The following RSRC2 variants were observed in gnomAD, a reference collection of about 807,000 sequenced individuals.
RSRC2 encodes arginine/serine-rich coiled-coil protein 2.
RSRC2 carries 5 observed loss-of-function variants against 61.3 expected under a neutral mutation model. The ratio of observed to expected loss-of-function variants is 0.08; its 90% CI spans 0.04 to 0.17. The LOEUF (loss-of-function observed/expected upper bound fraction) is 0.17, where lower values mean the gene tolerates loss of function less well. Ranked by LOEUF, RSRC2 falls within the 10% of genes least tolerant of loss-of-function variation. The pLI, the probability that RSRC2 is intolerant of heterozygous loss-of-function variation, is 1.00. For missense variants in RSRC2, 381 were observed against 518.8 expected (o/e 0.73, Z 2.58); for synonymous variants, 202 against 166.5 (o/e 1.21, Z -1.64).
chr12:122,510,808 A>T (rs558744932), intron 7 of RSRC2, among the ~76,000 whole-genome samples: 1 of 152,302 alleles, frequency 6.6e-6, no homozygotes, highest in Admixed American at 6.5e-5. Context: ...GCACTTTGGG[A>T]GGCTGGGGCA....
At chr12:122,508,864 G>T (rs980990137) in intron 7 of RSRC2, among the ~76,000 whole-genome samples, 1 of 151,966 alleles carries the variant, frequency 6.6e-6, no homozygotes, top group African/African-American at 2.4e-5. Flanking sequence ...GCTGACGCAG[G>T]AGAATCACTT....
chr12:122,521,528 T>G, intron 2 of RSRC2, 100 bp from the exon 3 acceptor site: 1 of 962,640 alleles, frequency 1.0e-6, no homozygotes, highest in Non-Finnish European at 1.7e-6. Flanking sequence ...CCCATTAGTC[T>G]TCTTCCAATG....
At position 122,526,916 on chromosome 12, in the gene RSRC2, T is replaced by A. The variant is rs896941801; in HGVS notation, c.-63A>T. The stretch of plus-strand genomic sequence containing the variant: ...TGTCGCTTTCAACAGTACCGGCCGC[T>A]CCGAAGCTTCGCCTCAGACTAAATC... On this transcript the variant is annotated 5_prime_UTR_variant, in exon 1 of 10. Transcript: ENST00000331738. 3 of 1,599,624 alleles carry A rather than the reference T, an allele frequency of 1.9e-6. No individual in the cohort carries two copies. Among genetic ancestry groups the A allele is most frequent in the Admixed American group, 1.7e-5 (1 of 59,900 alleles).
chr12:122,515,319 C>T (rs994982579), intron 5 of RSRC2, 92 bp from the exon 6 acceptor site: 27 of 1,268,112 alleles, frequency 2.1e-5, no homozygotes, highest in Non-Finnish European at 2.5e-5. Context: ...AAAATCCCAA[C>T]GATACAAAAA....
chr12:122,526,417 A>G (rs1960423355), intron 1 of RSRC2: 1 of 185,734 alleles, frequency 5.4e-6, no homozygotes, highest in Admixed American at 6.0e-5. Context: ...CTTCTCCCAC[A>G]CTACCCTTTA....
chr12:122,508,974 C>A (rs1220889569), intron 7 of RSRC2, among the ~76,000 whole-genome samples: 3 of 151,838 alleles, frequency 2.0e-5, no homozygotes, highest in African/African-American at 7.3e-5. Flanking sequence ...AAAAAAAACC[C>A]ATTTATTTAC....
At position 122,515,332 on chromosome 12, in the gene RSRC2, T is replaced by C. The variant is rs773595931; in HGVS notation, c.603-105A>G. The C allele has an allele frequency of 5.1e-6, 6 of 1,168,252 alleles. No homozygotes were observed. In the South Asian group the frequency reaches 8.7e-5, roughly 17 times the overall value. 72.4% of individuals were successfully genotyped at this position (1,168,252 alleles called of 1,614,324 possible). A position where few individuals can be genotyped will look rare whatever the true frequency, so the allele number is the denominator to read the frequency against. On this transcript the variant is annotated intron_variant, in intron 5 of 9. Coordinates refer to ENST00000331738, the MANE Select transcript of RSRC2 (RefSeq NM_023012.6). ...CAAAAATCCCAACGATACAAAAACA[T>C]TTAGTTTGAGATGCAAAAGATTTAA...
rs1021146359 is a variant in RSRC2 at position 122,504,584 on chromosome 12, G to A, written c.*943C>T. On this transcript the variant is annotated 3_prime_UTR_variant, in exon 10 of 10. Coordinates refer to ENST00000331738, the MANE Select transcript of RSRC2 (RefSeq NM_023012.6). The stretch of plus-strand genomic sequence containing the variant: ...GAGGCTCTGGCAGTGAGCCGAGATT[G>A]TGCCACTGCACCCAGTTTAGGCAAC... The A allele has an allele frequency of 6.6e-6, 1 of 152,276 alleles. No homozygotes were observed. Among genetic ancestry groups the A allele is most frequent in the African/African-American group, 2.4e-5 (1 of 41,424 alleles). 9.4% of individuals were successfully genotyped at this position (152,276 alleles called of 1,614,324 possible). A position where few individuals can be genotyped will look rare whatever the true frequency, so the allele number is the denominator to read the frequency against.
chr12:122,507,886 T>TTAAAAA, intron 8 of RSRC2: 1 of 372,514 alleles, frequency 2.7e-6, no homozygotes, highest in South Asian at 2.2e-5. Context: ...ATGTAGGCTC[T>TTAAAAA]GCATCCCAGG....
At chr12:122,517,132 A>G in intron 5 of RSRC2, 95 bp downstream of exon 5, 1 of 1,556,576 alleles carries the variant, frequency 6.4e-7, no homozygotes. Context: ...TATAAATAGA[A>G]TTGTGACTCA....
intron 6 of RSRC2, among the ~76,000 whole-genome samples, chr12:122,513,170 G>A (rs1958648788): frequency 6.7e-6 from 1 of 150,266 alleles, no homozygotes; most frequent in African/African-American, 2.5e-5. Flanking sequence ...ACTCCAGCCT[G>A]GGCAACAGAG....
At chr12:122,526,615 G>A (rs1357966219) in intron 1 of RSRC2, among the ~76,000 whole-genome samples, 2 of 152,030 alleles carry the variant, frequency 1.3e-5, no homozygotes, top group East Asian at 3.9e-4. Flanking sequence ...TTGGGGAAGA[G>A]AGGAGGAAAG....
chr12:122,504,921 ATAGTT>A lies in RSRC2; in HGVS notation c.*601_*605del, dbSNP rs1439642806. On this transcript the variant is annotated 3_prime_UTR_variant, in exon 10 of 10. Coordinates refer to ENST00000331738, the MANE Select transcript of RSRC2 (RefSeq NM_023012.6). ...TGCTCACCACGGTATTGACTGTAGT[ATAGTT>A]AACTGGCCTTAAAAAGGGTGGTGGG... 3.3e-5 allele frequency: 5 copies of A among 152,636 alleles called. No individual in the cohort carries two copies. The highest frequency in any genetic ancestry group is 4.8e-5 in the African/African-American group (2 of 41,446). 9.5% of individuals were successfully genotyped at this position (152,636 alleles called of 1,614,324 possible).
In RSRC2 at chr12:122,517,216, T is replaced by C. The variant is rs1393131225; in HGVS notation, c.602+11A>G. ...TCCTATTAAATTTTATTCAGGATGATGGTCACCTACCGACTCCTACTCCTT... is the reference window on the plus strand; with the variant it reads ...TCCTATTAAATTTTATTCAGGATGACGGTCACCTACCGACTCCTACTCCTT... On this transcript the variant is annotated intron_variant, in intron 5 of 9. Transcript: ENST00000331738. 7 of 1,614,102 alleles carry C rather than the reference T, an allele frequency of 4.3e-6. No homozygotes were observed. Among genetic ancestry groups the C allele is most frequent in the African/African-American group, 1.3e-5 (1 of 75,052 alleles).
At chr12:122,510,621 T>C (rs1392028608) in intron 7 of RSRC2, among the ~76,000 whole-genome samples, 2 of 152,264 alleles carry the variant, frequency 1.3e-5, no homozygotes, top group South Asian at 4.1e-4. Context: ...ATGGACCACA[T>C]CAGAAACAAG....
Position 122,521,446 on chromosome 12 carries a change from AAAT to A in RSRC2, c.164-21_164-19del. ...TTCATTATCTGTGAATACACAAAAA[AAAT>A]AATCACCATAAACAAAGTTGGAGAA... is the stretch of plus-strand genomic sequence containing the variant. On this transcript the variant is annotated intron_variant, in intron 2 of 9. Transcript: ENST00000331738. 1 of 1,607,966 alleles carries A rather than the reference AAAT, an allele frequency of 6.2e-7. No homozygotes were observed. Among genetic ancestry groups the A allele is most frequent in the Non-Finnish European group, 8.5e-7 (1 of 1,174,900 alleles).
intron 7 of RSRC2, among the ~76,000 whole-genome samples, chr12:122,509,306 CAGGCGTGGTGGCAGGCGCCT>C (rs146960822): frequency 1.3e-3 from 190 of 151,970 alleles, no homozygotes; most frequent in African/African-American, 4.5e-3. Flanking sequence ...AAAAATTAGC[CAGGCGTGGTGGCAGGCGCCT>C]ATAAGCCCAG....
At chr12:122,512,048 C>T (rs951844901) in intron 6 of RSRC2, among the ~76,000 whole-genome samples, 35 of 152,260 alleles carry the variant, frequency 2.3e-4, no homozygotes, top group East Asian at 1.4e-3. Context: ...CCTTCTGATC[C>T]GCCCGCCTTG....
At chr12:122,521,195 A>C (rs946448096) in intron 3 of RSRC2, 190 bp downstream of exon 3, 6 of 469,354 alleles carry the variant, frequency 1.3e-5, no homozygotes, top group African/African-American at 1.2e-4. Context: ...TAAAGTTTTG[A>C]AGGTACTTTT....
Sources: gnomAD v4.1 joint callset for allele counts (sites outside exome capture counted in the v4.1 genomes callset) on GRCh38, gnomAD v4.1.1 for gene constraint, MANE v1.5 for transcripts, NCBI Gene and HGNC (gene_info 2026-07-23, HGNC 2026-07-21) for gene names.